Variants in SEC61A2 observed in about 807,000 individuals in gnomAD.
SEC61A2 encodes the protein protein transport protein Sec61 subunit alpha isoform 2.
In SEC61A2, 28 loss-of-function variants were observed where a neutral mutation model predicts 59.9. The ratio of observed to expected loss-of-function variants is 0.47; its 90% CI spans 0.35 to 0.64. The LOEUF (loss-of-function observed/expected upper bound fraction) is 0.64. Ranked by LOEUF, SEC61A2 falls within the 30% of genes least tolerant of loss-of-function variation. The probability of loss-of-function intolerance (pLI) is 0.01; values close to 1 mark genes in which losing one functional copy is unlikely to be tolerated. For missense variants in SEC61A2, 340 were observed against 585.9 expected, an observed-to-expected ratio of 0.58 and a Z score of 4.33; for synonymous variants, 202 against 214.4, an observed-to-expected ratio of 0.94 and a Z score of 0.50.
rs375318215 is a variant in SEC61A2 at position 12,145,990 on chromosome 10, C to G, written c.220+2795C>G. 1.5e-3 allele frequency among the ~76,000 whole-genome samples: 227 copies of G among 152,190 alleles called. No homozygotes were observed. The highest frequency in any genetic ancestry group is 5.3e-3 in the African/African-American group (220 of 41,530). ...TGGTGAACATTTTCCATTCTCTGTG[C>G]GATTCAGCTCCACACTCCCAGATTT... On this transcript the variant is annotated intron_variant, in intron 4 of 11. Transcript: ENST00000298428. This position sits in a 1 kb window ranked among gnomAD's most constrained non-coding sequence, Gnocchi z 4.4.
rs11257573 is a variant in SEC61A2, at chr10:12,161,432, G to C, written c.1167+311G>C. On this transcript the variant is annotated intron_variant, in intron 10 of 11. Coordinates refer to ENST00000298428, the MANE Select transcript of SEC61A2 (RefSeq NM_018144.4). This position sits in a 1 kb window ranked among gnomAD's most constrained non-coding sequence, Gnocchi z 5.4. ...ACTGCACTCCAGCCTGGGTGACAGA[G>C]CGAGATCCTGTCTCAAAAAAATAAA... is the stretch of plus-strand genomic sequence containing the variant. Among the ~76,000 whole-genome samples, 64,189 of 151,788 alleles carry C rather than the reference G, an allele frequency of 0.42. 14,913 individuals are homozygous for C. Among genetic ancestry groups the C allele is most frequent in the South Asian group, 0.57 (2,717 of 4,804 alleles).
Position 12,164,527 on chromosome 10 carries a change from G to A in SEC61A2, c.*73G>A, listed in dbSNP as rs575849324. 6 of 1,542,048 alleles carry A rather than the reference G, an allele frequency of 3.9e-6. No homozygotes were observed. In the African/African-American group the frequency reaches 5.5e-5, roughly 14 times the overall value. On this transcript the variant is annotated 3_prime_UTR_variant, in exon 12 of 12. Transcript: ENST00000298428. The surrounding 1 kb of genome is among the most constrained non-coding windows in gnomAD (Gnocchi z 7.3). ...CGGATCGTTTTTGTCAGATGACACT[G>A]GTGGCTCCCCTTTTCTCCCCTCACA...
Position 12,158,952 on chromosome 10 carries a change from A to G in SEC61A2, c.975+847A>G, listed in dbSNP as rs1010744140. Among the ~76,000 whole-genome samples, 2 of 151,220 alleles carry G rather than the reference A, an allele frequency of 1.3e-5. No individual in the cohort carries two copies. The highest frequency in any genetic ancestry group is 4.2e-4 in the South Asian group (2 of 4,750). Reference sequence around the variant, plus strand: ...TAGTAATATAATCCTATACATTCTCATATACATCCCCCATCATAATTTTTT... The same window carrying G: ...TAGTAATATAATCCTATACATTCTCGTATACATCCCCCATCATAATTTTTT... On this transcript the variant is annotated intron_variant, in intron 9 of 11. Coordinates refer to ENST00000298428, the MANE Select transcript of SEC61A2 (RefSeq NM_018144.4). This position sits in a 1 kb window ranked among gnomAD's most constrained non-coding sequence, Gnocchi z 5.7.
rs1191591441 is a variant in SEC61A2, at chr10:12,149,632, A to T, written c.258A>T (p.Thr86=). 2.5e-6 allele frequency: 4 copies of T among 1,612,652 alleles called. No homozygotes were observed. Among genetic ancestry groups the T allele is most frequent in the Admixed American group, 1.7e-5 (1 of 59,598 alleles). The change falls in exon 5 of 12, where the codon ACA becomes ACT. Residue 86 remains threonine, a synonymous_variant. Transcript: ENST00000298428. The surrounding 1 kb of genome is among the most constrained non-coding windows in gnomAD (Gnocchi z 5.2). ...AATTGGGTATCTCCCCAATTGTAACATCTGGTTTGATTATGCAGTTGTTAG... is the reference window on the plus strand; with the variant it reads ...AATTGGGTATCTCCCCAATTGTAACTTCTGGTTTGATTATGCAGTTGTTAG... ...LMELGISPIV[T]SGLIMQLLAG... is the part of the protein sequence containing the mutation.
Position 12,158,203 on chromosome 10 carries a change from T to C in SEC61A2, c.975+98T>C. On this transcript the variant is annotated intron_variant, in intron 9 of 11. Coordinates refer to ENST00000298428, the MANE Select transcript of SEC61A2 (RefSeq NM_018144.4). This position sits in a 1 kb window ranked among gnomAD's most constrained non-coding sequence, Gnocchi z 5.7. ...ATGAGGTCGACATTGGAGCATTTGC[T>C]GTATTTTCAGATTCACTTACCTATA... 2 of 973,038 alleles carry C rather than the reference T, an allele frequency of 2.1e-6. No homozygotes were observed. The highest frequency in any genetic ancestry group is 2.4e-5 in the Admixed American group (1 of 42,542). The allele number at this position is 973,038 out of a possible 1,614,324, so 60.3% of individuals were successfully genotyped here.
Position 12,154,854 on chromosome 10 carries a change from G to A in SEC61A2, c.463-924G>A, listed in dbSNP as rs536272303. Among the ~76,000 whole-genome samples, 41 of 152,256 alleles carry A rather than the reference G, an allele frequency of 2.7e-4. No homozygotes were observed. Among genetic ancestry groups the A allele is most frequent in the Middle Eastern group, 3.4e-3 (1 of 294 alleles). Reference sequence around the variant, plus strand: ...ATGAGGGTGGGCGGCTTGAGAGCTGGGAGGAATGGAAGTGACTTCCTCACT... The same window carrying A: ...ATGAGGGTGGGCGGCTTGAGAGCTGAGAGGAATGGAAGTGACTTCCTCACT... On this transcript the variant is annotated intron_variant, in intron 6 of 11. Coordinates refer to ENST00000298428, the MANE Select transcript of SEC61A2 (RefSeq NM_018144.4). This position sits in a 1 kb window ranked among gnomAD's most constrained non-coding sequence, Gnocchi z 5.2.
chr10:12,165,407 A>G lies in SEC61A2; in HGVS notation c.*953A>G. The G allele has an allele frequency of 3.2e-6, 3 of 945,800 alleles. No homozygotes were observed. The highest frequency in any genetic ancestry group is 3.8e-6 in the Non-Finnish European group (3 of 793,996). The allele number at this position is 945,800 out of a possible 1,614,324, so 58.6% of individuals were successfully genotyped here. A position where few individuals can be genotyped will look rare whatever the true frequency, so the allele number is the denominator to read the frequency against. ...AAAAAATAAAGAAATCTGATATTAA[A>G]CGTTTTCTAAGATCATTTGTATAGG... is the stretch of plus-strand genomic sequence containing the variant. On this transcript the variant is annotated 3_prime_UTR_variant, in exon 12 of 12. Transcript: ENST00000298428.
intron 3 of SEC61A2, among the ~76,000 whole-genome samples, chr10:12,136,921 C>T (rs572149357): frequency 5.9e-5 from 9 of 152,220 alleles, no homozygotes; most frequent in South Asian, 2.1e-4. Context: ...TGAGCCACCA[C>T]GCCCAGCTGA....
At chr10:12,139,835 G>C (rs1171472353) in intron 3 of SEC61A2, among the ~76,000 whole-genome samples, 2 of 151,558 alleles carry the variant, frequency 1.3e-5, no homozygotes, top group African/African-American at 4.9e-5. Flanking sequence ...TGGGCGTGGT[G>C]GCAAATACCT....
chr10:12,139,947 C>T lies in SEC61A2; in HGVS notation c.142-3170C>T, dbSNP rs191215487. Among the ~76,000 whole-genome samples, 1,211 of 141,912 alleles carry T rather than the reference C, an allele frequency of 8.5e-3. 12 individuals are homozygous for T. The highest frequency in any genetic ancestry group is 0.031 in the African/African-American group (1,168 of 37,854). The allele number at this position is 141,912 out of a possible 152,430, so 93.1% of individuals were successfully genotyped here. A position where few individuals can be genotyped will look rare whatever the true frequency, so the allele number is the denominator to read the frequency against. ...TCCCGCCACTGCACTCCAGCCTGGG[C>T]GACAGAGCGAGACTCCATCTCAAAA... On this transcript the variant is annotated intron_variant, in intron 3 of 11. Transcript: ENST00000298428.
At position 12,161,367 on chromosome 10, in the gene SEC61A2, A is replaced by C. The variant is rs997014702; in HGVS notation, c.1167+246A>C. On this transcript the variant is annotated intron_variant, in intron 10 of 11. Coordinates refer to ENST00000298428, the MANE Select transcript of SEC61A2 (RefSeq NM_018144.4). The surrounding 1 kb of genome is among the most constrained non-coding windows in gnomAD (Gnocchi z 5.4). ...AGTTGAGACGGAGCAGTAACGCTTG[A>C]GTCCGGGAGGTGGAGGTTGCAGTGA... Among the ~76,000 whole-genome samples, 2 of 152,184 alleles carry C rather than the reference A, an allele frequency of 1.3e-5. No homozygotes were observed. Among genetic ancestry groups the C allele is most frequent in the Non-Finnish European group, 1.5e-5 (1 of 68,022 alleles).
At chr10:12,146,019 T>G (rs540603300) in intron 4 of SEC61A2, among the ~76,000 whole-genome samples, 5 of 152,144 alleles carry the variant, frequency 3.3e-5, no homozygotes, top group Non-Finnish European at 5.9e-5. Flanking sequence ...CAGATTTATT[T>G]TATTTTATTT....
chr10:12,137,029 T>A (rs1035125577), intron 3 of SEC61A2, among the ~76,000 whole-genome samples: 10 of 152,020 alleles, frequency 6.6e-5, no homozygotes, highest in African/African-American at 2.2e-4. Flanking sequence ...GCCTCCCAAA[T>A]TGCTGGGATT....
rs1834624421 is a variant in SEC61A2, at chr10:12,164,719, G to C, written c.*265G>C. The C allele has an allele frequency of 5.7e-6, 7 of 1,224,904 alleles. No homozygotes were observed. The highest frequency in any genetic ancestry group is 3.2e-5 in the African/African-American group (2 of 62,690). 75.9% of individuals were successfully genotyped at this position (1,224,904 alleles called of 1,614,324 possible). On this transcript the variant is annotated 3_prime_UTR_variant, in exon 12 of 12. Transcript: ENST00000298428. The surrounding 1 kb of genome is among the most constrained non-coding windows in gnomAD (Gnocchi z 7.3). Reference sequence around the variant, plus strand: ...TGGAAACCAGTGTATCTACCTTGCTGTGTTAAATCATGACAGTGAGACGGT... The same window carrying C: ...TGGAAACCAGTGTATCTACCTTGCTCTGTTAAATCATGACAGTGAGACGGT...
intron 3 of SEC61A2, among the ~76,000 whole-genome samples, chr10:12,138,024 G>GATACATAC (rs759573424): frequency 1.3e-5 from 2 of 151,806 alleles, no homozygotes; most frequent in African/African-American, 4.8e-5. Context: ...TAAATACATA[G>GATACATAC]ATACATACAT....
At position 12,165,028 on chromosome 10, in the gene SEC61A2, T is replaced by G; in HGVS notation, c.*574T>G. The G allele has an allele frequency of 3.1e-6, 3 of 975,754 alleles. No homozygotes were observed. Among genetic ancestry groups the G allele is most frequent in the African/African-American group, 1.8e-5 (1 of 54,266 alleles). The allele number at this position is 975,754 out of a possible 1,614,324, so 60.4% of individuals were successfully genotyped here. On this transcript the variant is annotated 3_prime_UTR_variant, in exon 12 of 12. Transcript: ENST00000298428. ...AGTCTCCAGTTATTTCTGCCACAAC[T>G]GCTTCTAAGGCCTCCTCCTTCTCCT...
Position 12,162,287 on chromosome 10 carries a change from T to A in SEC61A2, c.1242T>A (p.Asn414Lys). The A allele has an allele frequency of 6.2e-7, 1 of 1,611,762 alleles. No homozygotes were observed. The highest frequency in any genetic ancestry group is 8.5e-7 in the Non-Finnish European group (1 of 1,177,904). ...ATACCTCTATGGTTCATGAGCTTAA[T>A]AGGTAAGGCTGCTAGACTGACACCT... is the stretch of plus-strand genomic sequence containing the variant. Reference protein sequence around the residue: ...HRDTSMVHELNRYIPTAAAFG... With the variant: ...HRDTSMVHELKRYIPTAAAFG... The change falls in exon 11 of 12, where the codon AAT becomes AAA. Residue 414 changes from asparagine to lysine, a missense_variant and splice_region_variant. Around this residue, in one of 3 missense-constraint regions of SEC61A2, gnomAD observed 283 missense variants for 483.2 expected, o/e 0.59. Coordinates refer to ENST00000298428, the MANE Select transcript of SEC61A2 (RefSeq NM_018144.4). This position sits in a 1 kb window ranked among gnomAD's most constrained non-coding sequence, Gnocchi z 6.1.
In SEC61A2 at chr10:12,129,839, G is replaced by A; in HGVS notation, c.7+45G>A. 7.4e-7 allele frequency: 1 copy of A among 1,353,178 alleles called. No homozygotes were observed. 83.8% of individuals were successfully genotyped at this position (1,353,178 alleles called of 1,614,324 possible). ...GCGGGGACTCTGGCTGGGAACGCAG[G>A]CCCCGCCTGGGCTGCGGGCGGTGGG... On this transcript the variant is annotated intron_variant, in intron 1 of 11. Coordinates refer to ENST00000298428, the MANE Select transcript of SEC61A2 (RefSeq NM_018144.4). This position sits in a 1 kb window ranked among gnomAD's most constrained non-coding sequence, Gnocchi z 5.6.
In SEC61A2 at chr10:12,143,873, C is replaced by T. The variant is rs1175505798; in HGVS notation, c.220+678C>T. ...GAGAGTAGCAAGGGGTACAACCAGT[C>T]GTGAGGTTTCTTACATTTAGGAACA... On this transcript the variant is annotated intron_variant, in intron 4 of 11. Transcript: ENST00000298428. The surrounding 1 kb of genome is among the most constrained non-coding windows in gnomAD (Gnocchi z 4.8). Among the ~76,000 whole-genome samples, 8 of 152,164 alleles carry T rather than the reference C, an allele frequency of 5.3e-5. No homozygotes were observed. The highest frequency in any genetic ancestry group is 4.6e-4 in the Admixed American group (7 of 15,274).
Sources: gnomAD v4.1 joint callset for allele counts (sites outside exome capture counted in the v4.1 genomes callset) on GRCh38, gnomAD v4.1.1 for gene constraint, gnomAD v4.1.1 regional missense constraint, Gnocchi (gnomAD v3.1) non-coding constraint, MANE v1.5 for transcripts, NCBI Gene and HGNC (gene_info 2026-07-23, HGNC 2026-07-21) for gene names.